The following SLC5A4 variants were observed in gnomAD, a reference collection of about 807,000 sequenced individuals.
SLC5A4 encodes the protein probable glucose sensor protein SLC5A4.
SLC5A4 carries 55 observed loss-of-function variants against 70.3 expected under a neutral mutation model. The ratio of observed to expected loss-of-function variants is 0.78; its 90% confidence interval spans 0.63 to 0.98. SLC5A4 has a LOEUF of 0.98. Among genes scored for constraint, SLC5A4 ranks in the 50% least tolerant of loss-of-function variants. The pLI is 0.00. For synonymous variants in SLC5A4, 268 were observed against 305.7 expected, an observed-to-expected ratio of 0.88 and a Z score of 1.29; for missense variants, 735 against 839.2, an observed-to-expected ratio of 0.88 and a Z score of 1.53.
At chr22:32,224,909 TTGA>T (rs1431639291) in intron 12 of SLC5A4, among the ~76,000 whole-genome samples, 1 of 152,124 alleles carries the variant, frequency 6.6e-6, no homozygotes, top group African/African-American at 2.4e-5. Flanking sequence ...CTGTGAGGAG[TTGA>T]TGGGGGTGGA....
At chr22:32,329,530 G>A in the SLC5A4 span, among the ~76,000 whole-genome samples, 1 of 150,454 alleles carries the variant, frequency 6.6e-6, no homozygotes, top group Non-Finnish European at 1.5e-5. Context: ...TGTTTCTTGG[G>A]GGGGCTCTGT....
the SLC5A4 span, among the ~76,000 whole-genome samples, chr22:32,308,823 G>T: frequency 6.6e-6 from 1 of 152,092 alleles, no homozygotes; most frequent in Non-Finnish European, 1.5e-5. Flanking sequence ...TGCACAGCTG[G>T]GTGTGTGTGC....
the SLC5A4 span, among the ~76,000 whole-genome samples, chr22:32,316,336 C>CA: frequency 6.6e-6 from 1 of 152,048 alleles, no homozygotes; most frequent in Non-Finnish European, 1.5e-5. Context: ...ATCTTAATAT[C>CA]AGACAAAGCT....
upstream of SLC5A4, among the ~76,000 whole-genome samples, chr22:32,258,750 T>C (rs1268350583): frequency 1.3e-5 from 2 of 152,106 alleles, no homozygotes; most frequent in Non-Finnish European, 2.9e-5. Context: ...AAAATTGAAA[T>C]TGGCATCGCA....
At position 32,237,248 on chromosome 22, in the gene SLC5A4, C is replaced by T. The variant is rs756459583; in HGVS notation, c.660G>A (p.Gly220=). 1 of 1,607,360 alleles carries T rather than the reference C, an allele frequency of 6.2e-7. No individual in the cohort carries two copies. The highest frequency in any genetic ancestry group is 1.1e-5 in the South Asian group (1 of 89,850). ...IMLIGSFILM[G]FAFNEVGGYE... The stretch of plus-strand genomic sequence containing the variant: ...GCACGCAGGGTCATCACTTACCAAA[C>T]CCCATGAGAATAAAAGAGCCAATCA... The change falls in exon 7 of 15, where the codon GGG becomes GGA. Residue 220 remains glycine (G), a synonymous_variant. Coordinates refer to ENST00000266086, the MANE Select transcript of SLC5A4 (RefSeq NM_014227.3).
At chr22:32,284,256 T>G in the SLC5A4 span, among the ~76,000 whole-genome samples, 1 of 152,238 alleles carries the variant, frequency 6.6e-6, no homozygotes, top group Non-Finnish European at 1.5e-5. Context: ...TGTATGTATT[T>G]GTTCATATCA....
At chr22:32,328,679 C>T in the SLC5A4 span, among the ~76,000 whole-genome samples, 1 of 152,166 alleles carries the variant, frequency 6.6e-6, no homozygotes, top group Non-Finnish European at 1.5e-5. Flanking sequence ...GCCAGGAGAC[C>T]CAGCAAAGCC....
At chr22:32,297,237 C>T in the SLC5A4 span, among the ~76,000 whole-genome samples, 2 of 148,632 alleles carry the variant, frequency 1.3e-5, no homozygotes, top group Non-Finnish European at 3.0e-5. Context: ...GGTACCAGTT[C>T]CTCCTTGTAC....
At chr22:32,279,402 C>T in the SLC5A4 span, among the ~76,000 whole-genome samples, 2 of 152,214 alleles carry the variant, frequency 1.3e-5, no homozygotes, top group African/African-American at 2.4e-5. Flanking sequence ...GCTGAATAAT[C>T]GCTGAGAGCT....
At chr22:32,259,914 A>G (rs1335404325), upstream of SLC5A4, among the ~76,000 whole-genome samples, 1 of 152,226 alleles carries the variant, frequency 6.6e-6, no homozygotes, top group African/African-American at 2.4e-5. Context: ...GAAGTCACAC[A>G]GGGTGGAGCG....
At chr22:32,332,063 A>C in the SLC5A4 span, among the ~76,000 whole-genome samples, 3 of 145,818 alleles carry the variant, frequency 2.1e-5, no homozygotes, top group East Asian at 2.0e-4. Context: ...AATCCCATGG[A>C]CTCCACTCCC....
At chr22:32,307,794 G>A in the SLC5A4 span, among the ~76,000 whole-genome samples, 1 of 152,336 alleles carries the variant, frequency 6.6e-6, no homozygotes, top group South Asian at 2.1e-4. Flanking sequence ...ATGTACTCCT[G>A]GACTGCAAAG....
the SLC5A4 span, among the ~76,000 whole-genome samples, chr22:32,288,053 T>G: frequency 1.3e-5 from 2 of 151,618 alleles, no homozygotes; most frequent in African/African-American, 4.8e-5. Flanking sequence ...TTTCACCATA[T>G]TGGTCAGGCT....
chr22:32,252,598 C>G (rs1489905984), intron 2 of SLC5A4, among the ~76,000 whole-genome samples: 1 of 152,110 alleles, frequency 6.6e-6, no homozygotes, highest in Non-Finnish European at 1.5e-5. Context: ...AAAGTATTTA[C>G]AATCTGGCCT....
rs1194589988 is a variant in SLC5A4 at position 32,218,700 on chromosome 22, G to T, written c.1794C>A (p.Cys598Ter). ...EEDYPEKSRG[C>*]LKKAYDLFCG... ...AGAACAAGTCATAAGCTTTCTTGAGGCATCCACGTGATTTCTCAGGATAAT... is the reference window on the plus strand; with the variant it reads ...AGAACAAGTCATAAGCTTTCTTGAGTCATCCACGTGATTTCTCAGGATAAT... Residue 598 changes from cysteine to a stop codon, truncating the protein, a stop_gained, in exon 15 of 15, where the codon TGC becomes TGA. Coordinates refer to ENST00000266086, the MANE Select transcript of SLC5A4 (RefSeq NM_014227.3). LOFTEE classifies it low-confidence loss of function (END_TRUNC). The T allele has an allele frequency of 1.9e-6, 3 of 1,613,664 alleles. No individual in the cohort carries two copies. Among genetic ancestry groups the T allele is most frequent in the Non-Finnish European group, 2.5e-6 (3 of 1,179,762 alleles).
At chr22:32,322,617 G>GA in the SLC5A4 span, among the ~76,000 whole-genome samples, 1 of 150,532 alleles carries the variant, frequency 6.6e-6, no homozygotes, top group Non-Finnish European at 1.5e-5. Context: ...AAAAAAAAAA[G>GA]AAACAGCCAG....
chr22:32,241,803 G>GTGTGTGTGTA (rs1474263077), intron 5 of SLC5A4, among the ~76,000 whole-genome samples: 3 of 147,914 alleles, frequency 2.0e-5, no homozygotes, highest in African/African-American at 2.6e-5. Context: ...GTGTGTGTGT[G>GTGTGTGTGTA]TATATATATC....
In SLC5A4 at chr22:32,248,754, T is replaced by A. The variant is rs777131815; in HGVS notation, c.361A>T (p.Ile121Phe). ...TAACAGATACTCACCCCCGACTTGA[T>A]GTAGATAGGGACAAAGATCCACCCA... Reference protein sequence around the residue: ...ILGWIFVPIYIKSGVMTMPEY... With the variant: ...ILGWIFVPIYFKSGVMTMPEY... Residue 121 changes from isoleucine to phenylalanine, a missense_variant, in exon 4 of 15, where the codon ATC (isoleucine) becomes TTC (phenylalanine). Ile to Phe is a conservative substitution (Grantham distance 21, BLOSUM62 0). Coordinates refer to ENST00000266086, the MANE Select transcript of SLC5A4 (RefSeq NM_014227.3). 1.9e-6 allele frequency: 3 copies of A among 1,612,410 alleles called. No individual in the cohort carries two copies. The African/African-American group carries it at 4.0e-5, about 22-fold the overall frequency.
At chr22:32,319,836 A>G in the SLC5A4 span, among the ~76,000 whole-genome samples, 31 of 152,224 alleles carry the variant, frequency 2.0e-4, no homozygotes, top group African/African-American at 7.0e-4. Flanking sequence ...TGCAGTCTCC[A>G]TAAAAGCAGG....
Sources: gnomAD v4.1 joint callset for allele counts (sites outside exome capture counted in the v4.1 genomes callset) on GRCh38, gnomAD v4.1.1 for gene constraint, MANE v1.5 for transcripts, NCBI Gene and HGNC (gene_info 2026-07-23, HGNC 2026-07-21) for gene names.